The following ATF2 variants were observed in gnomAD, a reference collection of about 807,000 sequenced individuals.
ATF2 encodes the protein cyclic AMP-dependent transcription factor ATF-2.
In ATF2, 24 loss-of-function variants were observed where a neutral mutation model predicts 60.6. The ratio of observed to expected loss-of-function variants is 0.40; its 90% confidence interval spans 0.29 to 0.56. ATF2 has a LOEUF of 0.56. Among genes scored for constraint, ATF2 ranks in the 20% least tolerant of loss-of-function variants. ATF2 has a pLI of 0.54. For missense variants in ATF2, 433 were observed against 607.7 expected (o/e 0.71, Z 3.02); for synonymous variants, 206 against 215.4 (o/e 0.96, Z 0.38).
At chr2:175,100,988 AAATTT>A (rs1695274995) in intron 10 of ATF2, among the ~76,000 whole-genome samples, 1 of 152,224 alleles carries the variant, frequency 6.6e-6, no homozygotes, top group African/African-American at 2.4e-5. Context: ...TGAGGAAATT[AAATTT>A]ATGTTCAAGT....
At chr2:175,097,068 A>T (rs1308048437) in intron 11 of ATF2, among the ~76,000 whole-genome samples, 1 of 152,232 alleles carries the variant, frequency 6.6e-6, no homozygotes, top group Non-Finnish European at 1.5e-5. Flanking sequence ...TTCTGGTTAT[A>T]TAACTATTTT....
intron 2 of ATF2, among the ~76,000 whole-genome samples, chr2:175,142,163 C>T (rs189254617): frequency 3.3e-5 from 5 of 151,042 alleles, no homozygotes; most frequent in African/African-American, 1.2e-4. Flanking sequence ...AAAGTGAAGG[C>T]TTCCTCTTTC....
chr2:175,114,212 T>C, intron 8 of ATF2, 104 bp from the exon 9 acceptor site: 2 of 1,425,248 alleles, frequency 1.4e-6, no homozygotes, highest in Non-Finnish European at 1.8e-6. Flanking sequence ...CATTTAAAAA[T>C]ACATTTTCTA....
chr2:175,111,121 ATTAAT>A (rs1210847507), intron 10 of ATF2, among the ~76,000 whole-genome samples: 2 of 152,186 alleles, frequency 1.3e-5, no homozygotes, highest in African/African-American at 2.4e-5. Flanking sequence ...ACATCTAAAC[ATTAAT>A]TTAATAGCAT....
chr2:175,130,243 T>G (rs1697634022), intron 3 of ATF2, 36 bp from the exon 4 acceptor site: 2 of 1,291,598 alleles, frequency 1.5e-6, no homozygotes, highest in South Asian at 1.8e-5. Flanking sequence ...GAGTACATAT[T>G]TTAAAATAAA....
In ATF2 at chr2:175,074,603, T is replaced by G; in HGVS notation, c.*6A>C. ...TATCTAAAACTGTTGTACTGCAGGT[T>G]TTTAATCAACTTCCTGAGGGCTGTG... On this transcript the variant is annotated 3_prime_UTR_variant, in exon 14 of 14. Transcript: ENST00000264110. The G allele has an allele frequency of 6.2e-7, 1 of 1,608,828 alleles. No individual in the cohort carries two copies. Among genetic ancestry groups the G allele is most frequent in the Non-Finnish European group, 8.5e-7 (1 of 1,177,348 alleles).
intron 12 of ATF2, among the ~76,000 whole-genome samples, chr2:175,091,830 T>C (rs759728647): frequency 4.6e-5 from 7 of 152,236 alleles, no homozygotes; most frequent in Non-Finnish European, 5.9e-5. Context: ...ACCACTGTAC[T>C]TCAGCCCAGG....
intron 10 of ATF2, among the ~76,000 whole-genome samples, chr2:175,099,252 T>C (rs913660098): frequency 5.9e-5 from 9 of 151,938 alleles, no homozygotes; most frequent in Non-Finnish European, 1.0e-4. Context: ...TACAGGTGCA[T>C]GCCACCACGA....
chr2:175,162,227 C>T (rs866706219), intron 1 of ATF2, among the ~76,000 whole-genome samples: 3 of 152,228 alleles, frequency 2.0e-5, no homozygotes, highest in South Asian at 4.1e-4. Context: ...ATATTTGTCA[C>T]ATCACATAGA....
At chr2:175,142,432 G>C (rs1236191545) in intron 2 of ATF2, among the ~76,000 whole-genome samples, 1 of 152,056 alleles carries the variant, frequency 6.6e-6, no homozygotes, top group African/African-American at 2.4e-5. Flanking sequence ...CTCCCAAAGT[G>C]CTGGGATTAC....
At chr2:175,111,484 T>C (rs1696186934) in intron 10 of ATF2, 84 bp downstream of exon 10, 2 of 1,220,552 alleles carry the variant, frequency 1.6e-6, no homozygotes, top group Non-Finnish European at 2.4e-6. Flanking sequence ...GTGATCTAAA[T>C]TGTGCATTTG....
chr2:175,086,043 T>A (rs1339015492), intron 12 of ATF2, among the ~76,000 whole-genome samples: 1 of 152,184 alleles, frequency 6.6e-6, no homozygotes, highest in East Asian at 1.9e-4. Flanking sequence ...AACCAATTTT[T>A]TCCACTACAC....
intron 12 of ATF2, among the ~76,000 whole-genome samples, chr2:175,090,940 A>T (rs1020364812): frequency 6.6e-6 from 1 of 152,202 alleles, no homozygotes; most frequent in Non-Finnish European, 1.5e-5. Context: ...TTAATTTTCC[A>T]TGGTTTTCTG....
intron 4 of ATF2, among the ~76,000 whole-genome samples, chr2:175,128,240 C>G (rs1296407493): frequency 6.6e-6 from 1 of 152,192 alleles, no homozygotes; most frequent in Non-Finnish European, 1.5e-5. Context: ...GTGGCTCACG[C>G]CTATCATCTC....
intron 13 of ATF2, among the ~76,000 whole-genome samples, chr2:175,079,168 G>A (rs980741523): frequency 6.6e-6 from 1 of 152,100 alleles, no homozygotes; most frequent in Admixed American, 6.6e-5. Flanking sequence ...TGCATCTGCT[G>A]AGCATACATT....
At chr2:175,097,032 C>T (rs1694979839) in intron 11 of ATF2, among the ~76,000 whole-genome samples, 1 of 152,148 alleles carries the variant, frequency 6.6e-6, no homozygotes, top group Non-Finnish European at 1.5e-5. Flanking sequence ...TTTCATTCTT[C>T]TCACTATAAG....
chr2:175,106,393 G>A (rs1695666178), intron 10 of ATF2, among the ~76,000 whole-genome samples: 1 of 151,456 alleles, frequency 6.6e-6, no homozygotes, highest in Non-Finnish European at 1.5e-5. Flanking sequence ...TGGGTGTGGT[G>A]GCAGGTGACT....
chr2:175,167,231 T>A (rs1700414014), intron 1 of ATF2, among the ~76,000 whole-genome samples: 1 of 151,868 alleles, frequency 6.6e-6, no homozygotes, highest in South Asian at 2.1e-4. Flanking sequence ...AGAAAACACG[T>A]ACACACACTC....
At chr2:175,074,960 T>A in intron 13 of ATF2, 125 bp from the exon 14 acceptor site, 1 of 1,525,998 alleles carries the variant, frequency 6.6e-7, no homozygotes. Flanking sequence ...CAAGTTGGTA[T>A]TACAGCAATT....
Sources: allele counts gnomAD v4.1 joint callset (sites outside exome capture counted in the v4.1 genomes callset), GRCh38; gene constraint gnomAD v4.1.1; transcripts MANE v1.5; gene names NCBI Gene and HGNC (gene_info 2026-07-23, HGNC 2026-07-21).